The following TMEM171 variants were observed in gnomAD, a reference collection of about 807,000 sequenced individuals.
TMEM171 encodes proline-rich protein PRP2.
In TMEM171, 16 loss-of-function variants were observed where a neutral mutation model predicts 19.1. The observed-to-expected ratio is 0.84, with a 90% CI of 0.57 to 1.27. The LOEUF (loss-of-function observed/expected upper bound fraction) is 1.27, where lower values mean the gene tolerates loss of function less well. Ranked by LOEUF, TMEM171 falls within the 50% of genes most tolerant of loss-of-function variation. The probability of loss-of-function intolerance (pLI) is 0.00; values close to 1 mark genes in which losing one functional copy is unlikely to be tolerated. For synonymous variants in TMEM171, 153 were observed against 163.4 expected (o/e 0.94, Z 0.48); for missense variants, 429 against 412.7 (o/e 1.04, Z -0.34).
Position 73,123,789 on chromosome 5 carries a change from A to T in TMEM171, c.416A>T (p.Asn139Ile), listed in dbSNP as rs141693426. ...LGIWVPGCGSNWAQEPLNETD... is the reference protein window; with the variant it reads ...LGIWVPGCGSIWAQEPLNETD... ...ATTTGGGTCCCTGGATGTGGCTCCA[A>T]CTGGGCGCAGGAACCGCTAAACGAG... is the stretch of plus-strand genomic sequence containing the variant. Residue 139 changes from asparagine (N) to isoleucine (I), a missense_variant, in exon 2 of 4, where the codon AAC becomes ATC. Transcript: ENST00000454765. 3.3e-4 allele frequency: 532 copies of T among 1,613,136 alleles called. No homozygotes were observed. In the Middle Eastern group the frequency reaches 0.011, roughly 33 times the overall value.
Position 73,128,422 on chromosome 5 carries a change from C to A in TMEM171, c.673C>A (p.Pro225Thr). The change falls in exon 3 of 4, where the codon CCA becomes ACA. Residue 225 changes from proline to threonine, a missense_variant. Transcript: ENST00000454765. ...DSVIIFPPPP[P>T]PYFPESSASA... is the part of the protein sequence containing the mutation. ...GGTAATAATATTTCCACCCCCTCCA[C>A]CACCTTACTTTCCTGAATCTTCAGC... 1 of 1,614,192 alleles carries A rather than the reference C, an allele frequency of 6.2e-7. No individual in the cohort carries two copies. Among genetic ancestry groups the A allele is most frequent in the Non-Finnish European group, 8.5e-7 (1 of 1,180,042 alleles).
At chr5:73,127,384 A>AAAAAAAAAAAAAATATATATAT in intron 2 of TMEM171, among the ~76,000 whole-genome samples, 1 of 81,692 alleles carries the variant, frequency 1.2e-5, no homozygotes, top group Non-Finnish European at 2.2e-5. Flanking sequence ...AAAAAAAAAA[A>AAAAAAAAAAAAAATATATATAT]ATATATATAT....
intron 3 of TMEM171, 88 bp downstream of exon 3, chr5:73,128,619 G>A: frequency 6.7e-6 from 10 of 1,502,450 alleles, no homozygotes; most frequent in Admixed American, 2.0e-5. Flanking sequence ...AGGCATTCAA[G>A]TGTGAGTATC....
rs1377114778 is a variant in TMEM171, at chr5:73,123,618, A to T, written c.245A>T (p.Gln82Leu). ...GTGATCCTGGCCCGCTCCCGGGCGCAACTTCAGCTCCGTGCAGGGCTGCAG... is the reference window on the plus strand; with the variant it reads ...GTGATCCTGGCCCGCTCCCGGGCGCTACTTCAGCTCCGTGCAGGGCTGCAG... ...GAVILARSRA[Q>L]LQLRAGLQRG... Residue 82 changes from glutamine to leucine, a missense_variant, in exon 2 of 4, where the codon CAA (glutamine) becomes CTA (leucine). By Grantham distance (113) the Gln-to-Leu change is moderately radical (BLOSUM62 -2). Coordinates refer to ENST00000454765, the MANE Select transcript of TMEM171 (RefSeq NM_173490.8). 1 of 1,614,076 alleles carries T rather than the reference A, an allele frequency of 6.2e-7. No homozygotes were observed. The highest frequency in any genetic ancestry group is 8.5e-7 in the Non-Finnish European group (1 of 1,180,060).
chr5:73,123,271 G>A (rs906703569), intron 1 of TMEM171, 35 bp from the exon 2 acceptor site: 7 of 1,509,692 alleles, frequency 4.6e-6, no homozygotes, highest in Non-Finnish European at 6.2e-6. Context: ...GAACACCTGT[G>A]CCCACGTTAA....
rs539873173 is a variant in TMEM171 at position 73,120,589 on chromosome 5, G to A, written c.-176G>A. 1.0e-3 allele frequency: 984 copies of A among 985,216 alleles called. 11 individuals are homozygous for A. In the East Asian group the frequency reaches 0.027, roughly 27 times the overall value. The allele number at this position is 985,216 out of a possible 1,614,324, so 61.0% of individuals were successfully genotyped here. On this transcript the variant is annotated 5_prime_UTR_variant, in exon 1 of 4. Transcript: ENST00000454765. The stretch of plus-strand genomic sequence containing the variant: ...CCCTCCGCACCAGGACGCGCGGTGG[G>A]TAGGGTGCAGGGCGGCCGGCGCAGC...
At chr5:73,127,407 A>ATATATATATATATATATATATATATATAT (rs1364234564) in intron 2 of TMEM171, among the ~76,000 whole-genome samples, 16 of 137,064 alleles carry the variant, frequency 1.2e-4, no homozygotes, top group South Asian at 2.3e-4. Flanking sequence ...ATATATATAT[A>ATATATATATATATATATATATATATATAT]AAGCATAAAC....
rs781721968 is a variant in TMEM171 at position 73,123,712 on chromosome 5, T to TA, written c.340dup (p.Ile114AsnfsTer71). The stretch of plus-strand genomic sequence containing the variant: ...AGAGCCGCCAGTTTGCCCAGTGCCT[T>TA]ATCTTTGGGTTTCTGTTCTTGACAA... On this transcript the variant is annotated frameshift_variant, in exon 2 of 4. Coordinates refer to ENST00000454765, the MANE Select transcript of TMEM171 (RefSeq NM_173490.8). LOFTEE classifies it high-confidence loss of function. The TA allele has an allele frequency of 2.6e-5, 42 of 1,614,160 alleles. No individual in the cohort carries two copies. The South Asian group carries it at 4.6e-4, about 18-fold the overall frequency.
rs557534093 is a variant in TMEM171, at chr5:73,123,639, T to C, written c.266T>C (p.Leu89Pro). 4.3e-5 allele frequency: 69 copies of C among 1,614,208 alleles called. No homozygotes were observed. The African/African-American group carries it at 7.6e-4, about 18-fold the overall frequency. Residue 89 changes from leucine (L) to proline (P), a missense_variant, in exon 2 of 4, where the codon CTG becomes CCG. Leu to Pro is a moderately conservative substitution (Grantham distance 98). Coordinates refer to ENST00000454765, the MANE Select transcript of TMEM171 (RefSeq NM_173490.8). ...GCGCAACTTCAGCTCCGTGCAGGGC[T>C]GCAGAGAGGTCAGCAGATGGACCCC... is the stretch of plus-strand genomic sequence containing the variant. ...SRAQLQLRAG[L>P]QRGQQMDPDR...
rs751537166 is a variant in TMEM171 at position 73,128,411 on chromosome 5, C to T, written c.662C>T (p.Pro221Leu). ...VTVGDSVIIFPPPPPPYFPES... is the reference protein window; with the variant it reads ...VTVGDSVIIFLPPPPPYFPES... ...TTAGGTGACTCGGTAATAATATTTCCACCCCCTCCACCACCTTACTTTCCT... is the reference window on the plus strand; with the variant it reads ...TTAGGTGACTCGGTAATAATATTTCTACCCCCTCCACCACCTTACTTTCCT... The change falls in exon 3 of 4, where the codon CCA becomes CTA. Residue 221 changes from proline to leucine, a missense_variant. Coordinates refer to ENST00000454765, the MANE Select transcript of TMEM171 (RefSeq NM_173490.8). 1.9e-6 allele frequency: 3 copies of T among 1,613,926 alleles called. No homozygotes were observed. The highest frequency in any genetic ancestry group is 1.3e-5 in the African/African-American group (1 of 74,894).
At chr5:73,127,384 A>AAATATATATAT in intron 2 of TMEM171, among the ~76,000 whole-genome samples, 5 of 81,684 alleles carry the variant, frequency 6.1e-5, no homozygotes, top group South Asian at 8.8e-4. Context: ...AAAAAAAAAA[A>AAATATATATAT]ATATATATAT....
intron 2 of TMEM171, among the ~76,000 whole-genome samples, chr5:73,127,986 C>A (rs1744224340): frequency 6.6e-6 from 1 of 152,182 alleles, no homozygotes; most frequent in Non-Finnish European, 1.5e-5. Flanking sequence ...CTCAAGCGAT[C>A]CTTCCTCCTC....
At chr5:73,124,393 C>A (rs1744107657) in intron 2 of TMEM171, among the ~76,000 whole-genome samples, 1 of 152,240 alleles carries the variant, frequency 6.6e-6, no homozygotes, top group Non-Finnish European at 1.5e-5. Context: ...GTTATTCTCA[C>A]ACCAAAACCA....
intron 2 of TMEM171, among the ~76,000 whole-genome samples, chr5:73,124,214 AT>A (rs1218541468): frequency 6.6e-6 from 1 of 152,166 alleles, no homozygotes; most frequent in Non-Finnish European, 1.5e-5. Flanking sequence ...CCTTGTATAC[AT>A]CTTTTCCCCC....
chr5:73,131,634 T>G lies in TMEM171; in HGVS notation c.879T>G (p.Thr293=), dbSNP rs1744360924. ...ATTCATCTTCTGAGGCCTCACACAC[T>G]CCACATCTTCCATCTGAATTGCCTC... ...GTNSSSEASH[T]PHLPSELPPR... The change falls in exon 4 of 4, where the codon ACT becomes ACG. Residue 293 remains threonine, a synonymous_variant. Transcript: ENST00000454765. The G allele has an allele frequency of 6.2e-7, 1 of 1,613,908 alleles. No homozygotes were observed. Among genetic ancestry groups the G allele is most frequent in the East Asian group, 2.2e-5 (1 of 44,858 alleles).
rs769707061 is a variant in TMEM171 at position 73,123,651 on chromosome 5, A to G, written c.278A>G (p.Gln93Arg). 2.5e-6 allele frequency: 4 copies of G among 1,614,080 alleles called. No individual in the cohort carries two copies. The highest frequency in any genetic ancestry group is 1.3e-5 in the African/African-American group (1 of 74,928). The change falls in exon 2 of 4, where the codon CAG becomes CGG. Residue 93 changes from glutamine (Q) to arginine (R), a missense_variant. Physicochemically the swap from Gln to Arg is conservative, Grantham distance 43 (BLOSUM62 1). Transcript: ENST00000454765. ...CTCCGTGCAGGGCTGCAGAGAGGTC[A>G]GCAGATGGACCCCGACCGAGCCTTC... ...LQLRAGLQRG[Q>R]QMDPDRAFIC...
Position 73,128,551 on chromosome 5 carries a change from C to A in TMEM171, c.782+20C>A. 1 of 1,613,000 alleles carries A rather than the reference C, an allele frequency of 6.2e-7. No homozygotes were observed. Among genetic ancestry groups the A allele is most frequent in the Non-Finnish European group, 8.5e-7 (1 of 1,179,134 alleles). ...CTATGGGTAAGAATTTCAATTTGAA[C>A]TTCAAGAGAGGCCTGAATTCAGGCC... On this transcript the variant is annotated intron_variant, in intron 3 of 3. Coordinates refer to ENST00000454765, the MANE Select transcript of TMEM171 (RefSeq NM_173490.8).
In TMEM171 at chr5:73,128,457, C is replaced by G; in HGVS notation, c.708C>G (p.Val236=). 1 of 1,614,160 alleles carries G rather than the reference C, an allele frequency of 6.2e-7. No individual in the cohort carries two copies. Among genetic ancestry groups the G allele is most frequent in the South Asian group, 1.1e-5 (1 of 91,072 alleles). The change falls in exon 3 of 4, where the codon GTC becomes GTG. Residue 236 remains valine, a synonymous_variant. Coordinates refer to ENST00000454765, the MANE Select transcript of TMEM171 (RefSeq NM_173490.8). The part of the protein sequence containing the change: ...PYFPESSASA[V]AESPGTNSLL... ...TTCCTGAATCTTCAGCTTCTGCGGT[C>G]GCTGAGAGTCCTGGAACTAACAGTC...
intron 2 of TMEM171, among the ~76,000 whole-genome samples, chr5:73,127,384 A>AAAAATAT: frequency 6.1e-5 from 5 of 81,682 alleles, no homozygotes; most frequent in African/African-American, 3.3e-4. Flanking sequence ...AAAAAAAAAA[A>AAAAATAT]ATATATATAT....
Sources: allele counts gnomAD v4.1 joint callset (sites outside exome capture counted in the v4.1 genomes callset), GRCh38; gene constraint gnomAD v4.1.1; transcripts MANE v1.5; gene names NCBI Gene and HGNC (gene_info 2026-07-23, HGNC 2026-07-21).